The following MOB3B variants were observed in gnomAD, a reference collection of about 807,000 sequenced individuals.
The protein encoded by MOB3B is MOB kinase activator 3B, also known as MOB kinase activator-like 2B.
A neutral mutation model predicts 18.7 loss-of-function variants in MOB3B; 7 were observed. That is an observed-to-expected ratio of 0.37 (90% CI 0.21 to 0.70). The LOEUF is 0.70. Ranked by LOEUF, MOB3B falls within the 30% of genes least tolerant of loss-of-function variation. The pLI is 0.52. For synonymous variants in MOB3B, 111 were observed against 99.9 expected, an observed-to-expected ratio of 1.11 and a Z score of -0.66; for missense variants, 253 against 281.3, an observed-to-expected ratio of 0.90 and a Z score of 0.72.
At chr9:27,470,742 C>T (rs1819458406) in intron 1 of MOB3B, among the ~76,000 whole-genome samples, 1 of 152,164 alleles carries the variant, frequency 6.6e-6, no homozygotes, top group Non-Finnish European at 1.5e-5. Context: ...CCTACCCCTT[C>T]CCCTTCTCTC....
At chr9:27,525,663 T>G (rs1820425373) in intron 1 of MOB3B, among the ~76,000 whole-genome samples, 1 of 152,216 alleles carries the variant, frequency 6.6e-6, no homozygotes, top group South Asian at 2.1e-4. Flanking sequence ...TGTATATTGT[T>G]TGATTCCTAC....
At chr9:27,433,652 G>A (rs553240520) in intron 2 of MOB3B, among the ~76,000 whole-genome samples, 3 of 152,170 alleles carry the variant, frequency 2.0e-5, no homozygotes, top group Non-Finnish European at 4.4e-5. Context: ...GAGAAGCAGC[G>A]AAGGGAGGTT....
rs1351203768 is a variant in MOB3B at position 27,512,083 on chromosome 9, G to C, written c.-199+17472C>G. Among the ~76,000 whole-genome samples, 3 of 152,120 alleles carry C rather than the reference G, an allele frequency of 2.0e-5. No homozygotes were observed. In the East Asian group the frequency reaches 5.8e-4, roughly 29 times the overall value. On this transcript the variant is annotated intron_variant, in intron 1 of 3. Coordinates refer to ENST00000262244, the MANE Select transcript of MOB3B (RefSeq NM_024761.5). ...TGCCCCTTTGCTCCAGCCTGACAAA[G>C]ATAAATCCTGCAAGCCTGATAAAGG... is the stretch of plus-strand genomic sequence containing the variant.
In MOB3B at chr9:27,327,500, C is replaced by G. The variant is rs969571095; in HGVS notation, c.*3087G>C. On this transcript the variant is annotated 3_prime_UTR_variant, in exon 4 of 4. Transcript: ENST00000262244. ...AAAAAAGTCTAGATTGTGGGACATTCCACAAACTTGCCTGAACTCTTTAAT... is the reference window on the plus strand; with the variant it reads ...AAAAAAGTCTAGATTGTGGGACATTGCACAAACTTGCCTGAACTCTTTAAT... The G allele has an allele frequency of 4.6e-5, 7 of 151,956 alleles. No individual in the cohort carries two copies. Among genetic ancestry groups the G allele is most frequent in the Admixed American group, 4.6e-4 (7 of 15,226 alleles). 9.4% of individuals were successfully genotyped at this position (151,956 alleles called of 1,614,324 possible).
intron 1 of MOB3B, among the ~76,000 whole-genome samples, chr9:27,495,574 C>A (rs7864595): frequency 0.64 from 96,489 of 151,834 alleles, 31,776 homozygotes; most frequent in Non-Finnish European, 0.71. Context: ...CTGCTGAATT[C>A]AATTCAGACA....
chr9:27,424,915 T>A (rs1382762930), intron 2 of MOB3B, among the ~76,000 whole-genome samples: 1 of 152,178 alleles, frequency 6.6e-6, no homozygotes, highest in African/African-American at 2.4e-5. Flanking sequence ...ACCTTCCAGG[T>A]CTCTTCCAGC....
chr9:27,523,060 T>G (rs1403875958), intron 1 of MOB3B, among the ~76,000 whole-genome samples: 2 of 152,228 alleles, frequency 1.3e-5, no homozygotes, highest in African/African-American at 2.4e-5. Flanking sequence ...AAGTCTGCCA[T>G]GTTTGTGGAA....
intron 2 of MOB3B, among the ~76,000 whole-genome samples, chr9:27,404,692 G>T (rs992514229): frequency 6.6e-6 from 1 of 152,068 alleles, no homozygotes; most frequent in African/African-American, 2.4e-5. Flanking sequence ...CTCATCTTAG[G>T]TTGACTCCAT....
chr9:27,437,313 A>G (rs1822524444), intron 2 of MOB3B, among the ~76,000 whole-genome samples: 1 of 152,192 alleles, frequency 6.6e-6, no homozygotes. Context: ...CTCAGAGACC[A>G]CTAGAGGAAA....
chr9:27,350,455 C>G (rs567073052), intron 3 of MOB3B, among the ~76,000 whole-genome samples: 13 of 152,246 alleles, frequency 8.5e-5, no homozygotes, highest in African/African-American at 2.9e-4. Flanking sequence ...TGAAACAAAT[C>G]AGACCACATC....
intron 3 of MOB3B, among the ~76,000 whole-genome samples, chr9:27,346,369 T>C (rs1821031304): frequency 6.6e-6 from 1 of 152,206 alleles, no homozygotes; most frequent in Admixed American, 6.5e-5. Flanking sequence ...TCAGACCGTA[T>C]GTGCTCAATC....
chr9:27,405,093 C>CTTTTTTTTTTTT (rs74178386), intron 2 of MOB3B, among the ~76,000 whole-genome samples: 2 of 48,370 alleles, frequency 4.1e-5, no homozygotes, highest in African/African-American at 1.8e-4. Flanking sequence ...GAACCTTTGT[C>CTTTTTTTTTTTT]TTTTTTTTTT....
At chr9:27,507,975 T>G (rs1229596635) in intron 1 of MOB3B, among the ~76,000 whole-genome samples, 1 of 152,118 alleles carries the variant, frequency 6.6e-6, no homozygotes, top group Non-Finnish European at 1.5e-5. Flanking sequence ...CACAGATGAG[T>G]TTTTGTTTAT....
chr9:27,471,772 A>C (rs1819475783), intron 1 of MOB3B, among the ~76,000 whole-genome samples: 1 of 152,206 alleles, frequency 6.6e-6, no homozygotes, highest in African/African-American at 2.4e-5. Flanking sequence ...TTACTCATAT[A>C]CATATGTCTC....
intron 2 of MOB3B, among the ~76,000 whole-genome samples, chr9:27,453,665 G>A (rs914014283): frequency 3.3e-5 from 5 of 152,120 alleles, no homozygotes; most frequent in African/African-American, 1.2e-4. Flanking sequence ...ACAGGAGTAT[G>A]CAGAATTCAA....
intron 3 of MOB3B, among the ~76,000 whole-genome samples, chr9:27,354,138 G>T (rs1018542511): frequency 3.8e-4 from 58 of 152,264 alleles, no homozygotes; most frequent in African/African-American, 1.2e-3. Context: ...GTCCCAATGG[G>T]AGCCATGAGG....
chr9:27,527,972 T>C (rs1382470233), intron 1 of MOB3B, among the ~76,000 whole-genome samples: 2 of 152,234 alleles, frequency 1.3e-5, no homozygotes, highest in Non-Finnish European at 2.9e-5. Flanking sequence ...GGGACCATCC[T>C]AAGCCACTTG....
At chr9:27,507,955 G>A (rs1462095994) in intron 1 of MOB3B, among the ~76,000 whole-genome samples, 2 of 152,150 alleles carry the variant, frequency 1.3e-5, no homozygotes, top group African/African-American at 2.4e-5. Context: ...CTGTTGAAAT[G>A]GATTTAGCAC....
chr9:27,403,762 A>C (rs541103256), intron 2 of MOB3B, among the ~76,000 whole-genome samples: 27 of 152,112 alleles, frequency 1.8e-4, no homozygotes, highest in African/African-American at 6.5e-4. Flanking sequence ...TACAGGTGTG[A>C]GCCATTATGC....
Sources: gnomAD v4.1 joint callset for allele counts (sites outside exome capture counted in the v4.1 genomes callset) on GRCh38, gnomAD v4.1.1 for gene constraint, MANE v1.5 for transcripts, NCBI Gene and HGNC (gene_info 2026-07-23, HGNC 2026-07-21) for gene names.